CUZD1: variants seen among roughly 807,000 people sequenced by gnomAD.
CUZD1 encodes CUB and zona pellucida like domains 1, also known as CUB and zona pellucida-like domain-containing protein 1.
In CUZD1, 42 loss-of-function variants were observed where a neutral mutation model predicts 53.1. That is an observed-to-expected ratio of 0.79 (90% CI 0.62 to 1.02). The LOEUF (loss-of-function observed/expected upper bound fraction) is 1.02, where lower values mean the gene tolerates loss of function less well. Among genes scored for constraint, CUZD1 ranks in the 50% least tolerant of loss-of-function variants. CUZD1 has a pLI of 0.00. For missense variants in CUZD1, 670 were observed against 715.7 expected (o/e 0.94, Z 0.73); for synonymous variants, 238 against 257.2 (o/e 0.93, Z 0.71).
chr10:122,843,089 C>T (rs1287585985), intron 1 of CUZD1, among the ~76,000 whole-genome samples: 1 of 152,108 alleles, frequency 6.6e-6, no homozygotes, highest in Non-Finnish European at 1.5e-5. Context: ...TTATCATAAC[C>T]CAGCAATTCT....
intron 2 of CUZD1, among the ~76,000 whole-genome samples, chr10:122,840,960 G>C (rs988885395): frequency 2.6e-5 from 4 of 152,074 alleles, no homozygotes; most frequent in African/African-American, 7.2e-5. Flanking sequence ...TACTATTATA[G>C]TGCTGACCTT....
In CUZD1 at chr10:122,833,895, G is replaced by A; in HGVS notation, c.1428C>T (p.His476=). Residue 476 remains histidine, a synonymous_variant, in exon 8 of 9, where the codon CAC becomes CAT. Coordinates refer to ENST00000392790, the MANE Select transcript of CUZD1 (RefSeq NM_022034.6). ...AGGCATTAAACTGGAATCTCCCATAGTGTCCAAATAAGGGATACACCTTAC... is the reference window on the plus strand; with the variant it reads ...AGGCATTAAACTGGAATCTCCCATAATGTCCAAATAAGGGATACACCTTAC... ...ETCKVYPLFG[H]YGRFQFNAFK... is the part of the protein sequence containing the mutation. The A allele has an allele frequency of 6.2e-7, 1 of 1,613,088 alleles. No homozygotes were observed. Among genetic ancestry groups the A allele is most frequent in the Non-Finnish European group, 8.5e-7 (1 of 1,179,122 alleles).
At position 122,834,812 on chromosome 10, in the gene CUZD1, C is replaced by A; in HGVS notation, c.1276G>T (p.Val426Phe). The A allele has an allele frequency of 1.9e-6, 3 of 1,613,810 alleles. No homozygotes were observed. Among genetic ancestry groups the A allele is most frequent in the Non-Finnish European group, 2.5e-6 (3 of 1,179,822 alleles). ...TTTGGATCTGAGGTGTGCAGACTAACTTGAACAAAAAGAGTTTGGTTCAAA... is the reference window on the plus strand; with the variant it reads ...TTTGGATCTGAGGTGTGCAGACTAAATTGAACAAAAAGAGTTTGGTTCAAA... ...VDLNQTLFVQ[V>F]SLHTSDPNLV... is the part of the protein sequence containing the mutation. Residue 426 changes from valine to phenylalanine, a missense_variant, in exon 7 of 9, where the codon GTT becomes TTT. Physicochemically the swap from Val to Phe is conservative, Grantham distance 50. Transcript: ENST00000392790.
chr10:122,843,278 C>T (rs1232723212), intron 1 of CUZD1, among the ~76,000 whole-genome samples: 24 of 152,284 alleles, frequency 1.6e-4, no homozygotes, highest in Non-Finnish European at 4.4e-5. Context: ...GAGGTACAGT[C>T]ATCCCTTGGT....
At chr10:122,842,239 A>C (rs1591713293) in intron 1 of CUZD1, among the ~76,000 whole-genome samples, 1 of 152,210 alleles carries the variant, frequency 6.6e-6, no homozygotes, top group Admixed American at 6.5e-5. Context: ...CTTTTTAAAA[A>C]TACTATAGTT....
At position 122,837,414 on chromosome 10, in the gene CUZD1, T is replaced by C. The variant is rs1293013523; in HGVS notation, c.589A>G (p.Lys197Glu). ...EKDYKIKLNF[K>E]EIFLEIDKQC... ...GGCAGCAGTACTTACAAAATCTCTT[T>C]GAAGTTTAGTTTTATCTTGTAATCT... Residue 197 changes from lysine (K) to glutamate (E), a missense_variant, in exon 4 of 9, where the codon AAA becomes GAA. Coordinates refer to ENST00000392790, the MANE Select transcript of CUZD1 (RefSeq NM_022034.6). The C allele has an allele frequency of 4.3e-6, 7 of 1,613,990 alleles. No individual in the cohort carries two copies. The Admixed American group carries it at 8.3e-5, about 19-fold the overall frequency.
chr10:122,832,315 C>G lies in CUZD1; in HGVS notation c.1787G>C (p.Arg596Pro), dbSNP rs200173778. The change falls in exon 9 of 9, where the codon CGG becomes CCG. Residue 596 changes from arginine (R) to proline (P), a missense_variant. By Grantham distance (103) the Arg-to-Pro change is moderately radical. Coordinates refer to ENST00000392790, the MANE Select transcript of CUZD1 (RefSeq NM_022034.6). ...TITVRHFVNQ[R>P]ADYKYQKLQN... ...CAGCTTCTGGTATTTGTAGTCTGCC[C>G]GTTGATTTACAAAATGCCTCACTGT... 1.2e-6 allele frequency: 2 copies of G among 1,613,860 alleles called. No individual in the cohort carries two copies. Among genetic ancestry groups the G allele is most frequent in the African/African-American group, 1.3e-5 (1 of 74,896 alleles).
At chr10:122,841,372 T>C (rs556042895) in intron 1 of CUZD1, 44 bp from the exon 2 acceptor site, 2 of 1,541,636 alleles carry the variant, frequency 1.3e-6, no homozygotes, top group South Asian at 1.3e-5. Flanking sequence ...CAACAGGCCC[T>C]TTCCCCTCCC....
At chr10:122,832,511 G>A in intron 8 of CUZD1, 61 bp from the exon 9 acceptor site, 1 of 1,505,730 alleles carries the variant, frequency 6.6e-7, no homozygotes, top group Non-Finnish European at 9.2e-7. Flanking sequence ...TAAAATGTTG[G>A]TAGCTTTTAT....
In CUZD1 at chr10:122,833,893, T is replaced by C. The variant is rs373214846; in HGVS notation, c.1430A>G (p.Tyr477Cys). ...AAAGGCATTAAACTGGAATCTCCCA[T>C]AGTGTCCAAATAAGGGATACACCTT... is the stretch of plus-strand genomic sequence containing the variant. Reference protein sequence around the residue: ...TCKVYPLFGHYGRFQFNAFKF... With the variant: ...TCKVYPLFGHCGRFQFNAFKF... Residue 477 changes from tyrosine (Y) to cysteine (C), a missense_variant, in exon 8 of 9, where the codon TAT becomes TGT. Physicochemically the swap from Tyr to Cys is radical, Grantham distance 194. Transcript: ENST00000392790. 9.3e-6 allele frequency: 15 copies of C among 1,613,790 alleles called. No individual in the cohort carries two copies. Among genetic ancestry groups the C allele is most frequent in the Admixed American group, 8.3e-5 (5 of 60,018 alleles).
At position 122,837,008 on chromosome 10, in the gene CUZD1, T is replaced by C. The variant is rs1402797255; in HGVS notation, c.640A>G (p.Ile214Val). ...GAGTTGGTGGAGGGGCCATCATAGA[T>C]GGCAAGAAAATCAAATTTGCACTGT... Reference protein sequence around the residue: ...DKQCKFDFLAIYDGPSTNSGL... With the variant: ...DKQCKFDFLAVYDGPSTNSGL... Residue 214 changes from isoleucine to valine, a missense_variant, in exon 5 of 9, where the codon ATC becomes GTC. Coordinates refer to ENST00000392790, the MANE Select transcript of CUZD1 (RefSeq NM_022034.6). 1 of 1,613,814 alleles carries C rather than the reference T, an allele frequency of 6.2e-7. No homozygotes were observed. The highest frequency in any genetic ancestry group is 8.5e-7 in the Non-Finnish European group (1 of 1,179,756).
At chr10:122,832,699 A>G (rs1407098648) in intron 8 of CUZD1, among the ~76,000 whole-genome samples, 1 of 152,218 alleles carries the variant, frequency 6.6e-6, no homozygotes, top group African/African-American at 2.4e-5. Flanking sequence ...AAAAACGTGT[A>G]ACACTCAAGC....
intron 1 of CUZD1, among the ~76,000 whole-genome samples, chr10:122,843,913 T>TTA (rs200437449): frequency 8.8e-5 from 13 of 147,006 alleles, no homozygotes; most frequent in East Asian, 5.9e-4. Context: ...TTAGATATAT[T>TTA]TATATATATA....
chr10:122,836,429 C>A, intron 5 of CUZD1, 79 bp from the exon 6 acceptor site: 1 of 1,226,840 alleles, frequency 8.2e-7, no homozygotes, highest in South Asian at 1.7e-5. Flanking sequence ...GCTACGTGTG[C>A]AAGTAAATAT....
chr10:122,835,228 T>A (rs1338806697), intron 6 of CUZD1, 131 bp from the exon 7 acceptor site: 3 of 587,234 alleles, frequency 5.1e-6, no homozygotes, highest in African/African-American at 1.9e-5. Flanking sequence ...CATGTCAGAA[T>A]ACTATAAACC....
At chr10:122,844,150 G>A (rs898955132) in intron 1 of CUZD1, among the ~76,000 whole-genome samples, 3 of 151,650 alleles carry the variant, frequency 2.0e-5, no homozygotes, top group African/African-American at 7.3e-5. Context: ...CACCTCAGCC[G>A]CCAGAGTAGC....
intron 3 of CUZD1, chr10:122,838,071 G>C (rs1477953752): frequency 1.3e-5 from 2 of 153,448 alleles, no homozygotes; most frequent in Non-Finnish European, 2.9e-5. Flanking sequence ...TCATGAAGCA[G>C]CCCTTGGTCT....
rs752948481 is a variant in CUZD1, at chr10:122,837,385, A to G, written c.599+19T>C. 2 of 1,613,712 alleles carry G rather than the reference A, an allele frequency of 1.2e-6. No individual in the cohort carries two copies. The highest frequency in any genetic ancestry group is 1.7e-6 in the Non-Finnish European group (2 of 1,179,756). On this transcript the variant is annotated intron_variant, in intron 4 of 8. Transcript: ENST00000392790. Reference sequence around the variant, plus strand: ...GGTTTACTGCATTTGTTCCAACAGAATTGGGCAGCAGTACTTACAAAATCT... The same window carrying G: ...GGTTTACTGCATTTGTTCCAACAGAGTTGGGCAGCAGTACTTACAAAATCT...
Position 122,833,851 on chromosome 10 carries a change from A to C in CUZD1, c.1472T>G (p.Met491Arg), listed in dbSNP as rs746846595. ...TTTACACTGCAGATACACAGAGCTC[A>C]TACTTCTCAAGAATTTAAAGGCATT... ...QFNAFKFLRS[M>R]SSVYLQCKVL... The change falls in exon 8 of 9, where the codon ATG (methionine) becomes AGG (arginine). Residue 491 changes from methionine (M) to arginine (R), a missense_variant. Met to Arg is a moderately conservative substitution (Grantham distance 91, BLOSUM62 -1). Coordinates refer to ENST00000392790, the MANE Select transcript of CUZD1 (RefSeq NM_022034.6). 9.3e-5 allele frequency: 150 copies of C among 1,613,728 alleles called. No individual in the cohort carries two copies. The highest frequency in any genetic ancestry group is 1.3e-4 in the Non-Finnish European group (148 of 1,179,746).
Sources: gnomAD v4.1 joint callset for allele counts (sites outside exome capture counted in the v4.1 genomes callset) on GRCh38, gnomAD v4.1.1 for gene constraint, MANE v1.5 for transcripts, NCBI Gene and HGNC (gene_info 2026-07-23, HGNC 2026-07-21) for gene names.